The following BMPER variants were observed in gnomAD, a reference collection of about 807,000 sequenced individuals.
BMPER encodes BMP binding endothelial regulator, also known as BMP-binding endothelial regulator protein.
Under a neutral mutation model 87.3 loss-of-function variants are expected in BMPER, and 45 were observed. That is an observed-to-expected ratio of 0.52 (90% CI 0.41 to 0.66). The LOEUF (loss-of-function observed/expected upper bound fraction) is 0.66. Among genes scored for constraint, BMPER ranks in the 30% least tolerant of loss-of-function variants. BMPER has a pLI of 0.00. For synonymous variants in BMPER, 326 were observed against 316.2 expected (o/e 1.03, Z -0.33); for missense variants, 784 against 867.5 (o/e 0.90, Z 1.21).
In BMPER at chr7:33,980,801, A is replaced by G. The variant is rs184810035; in HGVS notation, c.576+6017A>G. ...GTTCAGAGGATTTTTACCAATAAACATGGGTTGTTAATGGGCTGTCTGTGA... is the reference window on the plus strand; with the variant it reads ...GTTCAGAGGATTTTTACCAATAAACGTGGGTTGTTAATGGGCTGTCTGTGA... On this transcript the variant is annotated intron_variant, in intron 6 of 14. Coordinates refer to ENST00000649409, the MANE Select transcript of BMPER (RefSeq NM_001365308.1). 2.9e-3 allele frequency among the ~76,000 whole-genome samples: 443 copies of G among 152,270 alleles called. 4 individuals are homozygous for G. The highest frequency in any genetic ancestry group is 0.01 in the Middle Eastern group (3 of 294).
intron 6 of BMPER, among the ~76,000 whole-genome samples, chr7:34,034,599 GCAAGGGCCAATAT>G (rs1275537353): frequency 6.6e-6 from 1 of 152,188 alleles, no homozygotes; most frequent in Non-Finnish European, 1.5e-5. Context: ...CACTGAAGTG[GCAAGGGCCAATAT>G]CACTTTCCTT....
chr7:34,034,034 A>C (rs1787599390), intron 6 of BMPER, among the ~76,000 whole-genome samples: 1 of 152,146 alleles, frequency 6.6e-6, no homozygotes, highest in South Asian at 2.1e-4. Context: ...GGAGTTAAGC[A>C]TGTTGTCACA....
chr7:34,071,123 C>T (rs969911036), intron 11 of BMPER, among the ~76,000 whole-genome samples: 29 of 152,124 alleles, frequency 1.9e-4, no homozygotes, highest in Non-Finnish European at 5.9e-5. Flanking sequence ...AGCCCCAAAT[C>T]TGTATTTTAT....
At chr7:34,050,717 A>G (rs1788126884) in intron 7 of BMPER, among the ~76,000 whole-genome samples, 1 of 152,174 alleles carries the variant, frequency 6.6e-6, no homozygotes, top group Non-Finnish European at 1.5e-5. Flanking sequence ...AGATGTTTTA[A>G]TGTGCTTCAA....
intron 6 of BMPER, among the ~76,000 whole-genome samples, chr7:33,996,002 G>A (rs1786400447): frequency 6.6e-6 from 1 of 152,104 alleles, no homozygotes; most frequent in African/African-American, 2.4e-5. Flanking sequence ...TTATAAAATG[G>A]GGATACTGCT....
At position 34,151,706 on chromosome 7, in the gene BMPER, G is replaced by C. The variant is rs1413015021; in HGVS notation, c.1877-1386G>C. Among the ~76,000 whole-genome samples, 3 of 152,188 alleles carry C rather than the reference G, an allele frequency of 2.0e-5. No individual in the cohort carries two copies. The East Asian group carries it at 5.8e-4, about 29-fold the overall frequency. ...TTTGTTCAGAGCAGGTGTTTACCTA[G>C]AGTCAATGGTTTAGTTAACAGTTGA... On this transcript the variant is annotated intron_variant, in intron 14 of 14. Coordinates refer to ENST00000649409, the MANE Select transcript of BMPER (RefSeq NM_001365308.1).
intron 6 of BMPER, among the ~76,000 whole-genome samples, chr7:34,023,088 C>T (rs566493794): frequency 1.1e-4 from 17 of 152,150 alleles, no homozygotes; most frequent in African/African-American, 3.8e-4. Flanking sequence ...AAAGTGGCAT[C>T]GTTTTGCACA....
chr7:34,128,543 AG>A (rs1263791726), intron 13 of BMPER, among the ~76,000 whole-genome samples: 5 of 152,246 alleles, frequency 3.3e-5, no homozygotes, highest in Non-Finnish European at 5.9e-5. Flanking sequence ...AGCTGCTGGA[AG>A]TAAAATAAAT....
At chr7:34,061,942 G>A in intron 10 of BMPER, 60 bp from the exon 11 acceptor site, 1 of 1,200,890 alleles carries the variant, frequency 8.3e-7, no homozygotes. Context: ...TTGTCCTCAG[G>A]AGACCCTGTT....
At chr7:34,076,076 A>G (rs1330250965) in intron 11 of BMPER, among the ~76,000 whole-genome samples, 4 of 152,136 alleles carry the variant, frequency 2.6e-5, no homozygotes, top group Non-Finnish European at 4.4e-5. Flanking sequence ...CTTCTCTTCC[A>G]TAAGTTAGGG....
chr7:34,068,812 T>C (rs146673074), intron 11 of BMPER, among the ~76,000 whole-genome samples: 1 of 152,304 alleles, frequency 6.6e-6, no homozygotes, highest in East Asian at 1.9e-4. Flanking sequence ...AATTTGTAAG[T>C]GAAGGGACCT....
intron 14 of BMPER, among the ~76,000 whole-genome samples, chr7:34,147,817 A>G (rs78172095): frequency 0.041 from 6,230 of 152,252 alleles, 270 homozygotes; most frequent in African/African-American, 0.11. Context: ...TAAAATACAT[A>G]TGTGCCCATC....
chr7:34,092,157 T>G (rs7779441), intron 13 of BMPER, among the ~76,000 whole-genome samples: 1,984 of 152,298 alleles, frequency 0.013, 52 homozygotes, highest in African/African-American at 0.046. Context: ...CTTCTCTGTC[T>G]TTTCATGTAA....
chr7:34,087,588 A>C (rs1436976269), intron 13 of BMPER, among the ~76,000 whole-genome samples: 1 of 152,228 alleles, frequency 6.6e-6, no homozygotes, highest in African/African-American at 2.4e-5. Context: ...GATTATGAAC[A>C]TGAATGCATG....
At position 33,985,939 on chromosome 7, in the gene BMPER, C is replaced by T. The variant is rs115803228; in HGVS notation, c.576+11155C>T. On this transcript the variant is annotated intron_variant, in intron 6 of 14. Transcript: ENST00000649409. ...GATAATTGCATAGTTTGCTAAAATC[C>T]CATGTCTTCTTCCAATCTTTACCCC... Among the ~76,000 whole-genome samples, 1,190 of 152,160 alleles carry T rather than the reference C, an allele frequency of 7.8e-3. 11 individuals carry two copies. Among genetic ancestry groups the T allele is most frequent in the African/African-American group, 0.027 (1,122 of 41,506 alleles).
chr7:33,909,168 T>G (rs1314408852), intron 2 of BMPER, among the ~76,000 whole-genome samples: 1 of 152,232 alleles, frequency 6.6e-6, no homozygotes, highest in Non-Finnish European at 1.5e-5. Context: ...CAAAACTCCT[T>G]TGAGGGCTTT....
intron 13 of BMPER, 102 bp downstream of exon 13, chr7:34,086,194 T>C (rs1789205244): frequency 8.1e-6 from 11 of 1,357,164 alleles, no homozygotes; most frequent in Non-Finnish European, 3.1e-6. Context: ...GGACAAAGGC[T>C]CAAAACCCAG....
chr7:34,011,490 G>A (rs986918547), intron 6 of BMPER, among the ~76,000 whole-genome samples: 1 of 146,758 alleles, frequency 6.8e-6, no homozygotes, highest in Non-Finnish European at 1.5e-5. Flanking sequence ...TCTTCATACC[G>A]CTGTCTATGG....
At chr7:33,929,211 T>A (rs1784428260) in intron 2 of BMPER, among the ~76,000 whole-genome samples, 1 of 152,178 alleles carries the variant, frequency 6.6e-6, no homozygotes, top group Non-Finnish European at 1.5e-5. Context: ...GGAAAAAGAA[T>A]AACACTCCCA....
Sources: gnomAD v4.1 joint callset for allele counts (sites outside exome capture counted in the v4.1 genomes callset) on GRCh38, gnomAD v4.1.1 for gene constraint, MANE v1.5 for transcripts, NCBI Gene and HGNC (gene_info 2026-07-23, HGNC 2026-07-21) for gene names.